The following ROBO2 variants were observed in gnomAD, a reference collection of about 807,000 sequenced individuals.
ROBO2 encodes roundabout homolog 2.
ROBO2 carries 53 observed loss-of-function variants against 160.8 expected under a neutral mutation model. The observed-to-expected ratio is 0.33, with a 90% CI of 0.26 to 0.41. The LOEUF (loss-of-function observed/expected upper bound fraction) is 0.41. Ranked by LOEUF, ROBO2 falls within the 10% of genes least tolerant of loss-of-function variation. The probability of loss-of-function intolerance (pLI) is 1.00; values close to 1 mark genes in which losing one functional copy is unlikely to be tolerated. For missense variants in ROBO2, 1,577 were observed against 1,722.4 expected, an observed-to-expected ratio of 0.92 and a Z score of 1.49; for synonymous variants, 664 against 611.7, an observed-to-expected ratio of 1.09 and a Z score of -1.26.
chr3:76,915,966 A>G (rs2076278458), intron 2 of ROBO2, among the ~76,000 whole-genome samples: 1 of 152,094 alleles, frequency 6.6e-6, no homozygotes. Context: ...AAGCAAGCTC[A>G]TATGCCTCTC....
At chr3:76,697,150 CT>C (rs763222368) in intron 2 of ROBO2, among the ~76,000 whole-genome samples, 2 of 152,120 alleles carry the variant, frequency 1.3e-5, no homozygotes, top group Non-Finnish European at 2.9e-5. Flanking sequence ...ATAGCCAGAT[CT>C]ATCAAATGTG....
At chr3:76,698,535 C>A (rs1467706116) in intron 2 of ROBO2, among the ~76,000 whole-genome samples, 1 of 152,148 alleles carries the variant, frequency 6.6e-6, no homozygotes, top group East Asian at 1.9e-4. Context: ...CTCTCTGGAG[C>A]CAAGCCAGTG....
At chr3:77,418,813 T>A (rs1216948937) in intron 2 of ROBO2, among the ~76,000 whole-genome samples, 1 of 151,904 alleles carries the variant, frequency 6.6e-6, no homozygotes, top group Non-Finnish European at 1.5e-5. Context: ...CTAGAAAAAA[T>A]TGTTAAGGAG....
Position 76,710,579 on chromosome 3 carries a change from T to C in ROBO2, c.110-387435T>C, listed in dbSNP as rs546346855. 3.9e-5 allele frequency among the ~76,000 whole-genome samples: 6 copies of C among 152,202 alleles called. No individual in the cohort carries two copies. In the East Asian group the frequency reaches 1.2e-3, roughly 29 times the overall value. On this transcript the variant is annotated intron_variant, in intron 2 of 26. Transcript: ENST00000487694. ...GATTTGGTTATAGAATGCCTTGGAG[T>C]TATGGAGACAGAAGTCAGAATACAG...
At chr3:76,876,813 G>A (rs1018616063) in intron 2 of ROBO2, among the ~76,000 whole-genome samples, 5 of 152,104 alleles carry the variant, frequency 3.3e-5, no homozygotes, top group Non-Finnish European at 7.4e-5. Flanking sequence ...ATAATTGCAT[G>A]CAAGAAGAAA....
intron 2 of ROBO2, among the ~76,000 whole-genome samples, chr3:77,124,608 A>C (rs765031827): frequency 9.2e-5 from 14 of 152,126 alleles, no homozygotes; most frequent in Non-Finnish European, 1.6e-4. Flanking sequence ...ACTGTGCAAA[A>C]TATAATCAGG....
chr3:76,134,783 A>T (rs2071365868), intron 2 of ROBO2, among the ~76,000 whole-genome samples: 1 of 152,104 alleles, frequency 6.6e-6, no homozygotes, highest in South Asian at 2.1e-4. Context: ...AGTTTGTGGT[A>T]ATTTATTCAG....
intron 2 of ROBO2, among the ~76,000 whole-genome samples, chr3:76,143,575 G>C (rs533966215): frequency 7.8e-4 from 119 of 152,096 alleles, no homozygotes; most frequent in African/African-American, 2.6e-3. Flanking sequence ...ACAGTCACTA[G>C]TGTCTTTAAA....
chr3:77,343,103 C>T (rs911239131), intron 2 of ROBO2, among the ~76,000 whole-genome samples: 1 of 150,280 alleles, frequency 6.7e-6, no homozygotes, highest in Non-Finnish European at 1.5e-5. Context: ...CTTATAAGAC[C>T]ACAATCTTAT....
chr3:76,163,502 A>G (rs1342890439), intron 2 of ROBO2, among the ~76,000 whole-genome samples: 2 of 148,990 alleles, frequency 1.3e-5, no homozygotes, highest in African/African-American at 4.9e-5. Context: ...ACTGTGTATT[A>G]TATATTATAT....
chr3:76,854,600 A>G (rs1034461271), intron 2 of ROBO2, among the ~76,000 whole-genome samples: 1 of 152,162 alleles, frequency 6.6e-6, no homozygotes, highest in African/African-American at 2.4e-5. Flanking sequence ...GAGAAACAGT[A>G]ACTTATGCCT....
At position 77,103,218 on chromosome 3, in the gene ROBO2, G is replaced by A. The variant is rs145328885; in HGVS notation, c.388+4878G>A. Among the ~76,000 whole-genome samples, 234 of 152,026 alleles carry A rather than the reference G, an allele frequency of 1.5e-3. No individual in the cohort carries two copies. The Middle Eastern group carries it at 0.017, about 11-fold the overall frequency. On this transcript the variant is annotated intron_variant, in intron 2 of 25. Coordinates refer to ENST00000461745, the Ensembl canonical transcript of ROBO2. ...ATAGATGACAGCAGCTTGATCTATC[G>A]ACCAGGGTAAGAGGGGGTTCTGGCC...
At chr3:76,996,084 G>A (rs1280788133) in intron 2 of ROBO2, among the ~76,000 whole-genome samples, 4 of 152,110 alleles carry the variant, frequency 2.6e-5, no homozygotes, top group Admixed American at 6.6e-5. Context: ...TATGGTTTTA[G>A]GTCTAACATT....
chr3:77,376,098 A>G (rs1293478409), intron 2 of ROBO2, among the ~76,000 whole-genome samples: 1 of 151,864 alleles, frequency 6.6e-6, no homozygotes, highest in East Asian at 1.9e-4. Context: ...CATTATCAAT[A>G]CAGTTGTACT....
intron 1 of ROBO2, among the ~76,000 whole-genome samples, chr3:77,073,644 C>T (rs998314829): frequency 6.6e-6 from 1 of 152,196 alleles, no homozygotes; most frequent in Admixed American, 6.5e-5. Context: ...AACCTGGGGC[C>T]TTCCTGAGTC....
At chr3:77,032,614 A>C (rs1221536941) in intron 2 of ROBO2, among the ~76,000 whole-genome samples, 2 of 152,178 alleles carry the variant, frequency 1.3e-5, no homozygotes. Flanking sequence ...GTGAAGTCCT[A>C]AAACAAAGAA....
chr3:76,649,793 A>T (rs1401415017), intron 2 of ROBO2, among the ~76,000 whole-genome samples: 1 of 152,122 alleles, frequency 6.6e-6, no homozygotes, highest in African/African-American at 2.4e-5. Context: ...TAGAAGTCAC[A>T]TTTGTTCTAT....
intron 2 of ROBO2, among the ~76,000 whole-genome samples, chr3:77,199,496 T>C (rs9826655): frequency 0.14 from 21,221 of 152,178 alleles, 1,800 homozygotes; most frequent in Middle Eastern, 0.22. Flanking sequence ...CTGTTTTTAT[T>C]ACAGGTTGAA....
chr3:77,283,533 C>T (rs915988105), intron 2 of ROBO2, among the ~76,000 whole-genome samples: 1 of 152,122 alleles, frequency 6.6e-6, no homozygotes, highest in Non-Finnish European at 1.5e-5. Context: ...TAAGAGTATA[C>T]ATACCAACTA....
Sources: allele counts gnomAD v4.1 joint callset (sites outside exome capture counted in the v4.1 genomes callset), GRCh38; gene constraint gnomAD v4.1.1; transcripts MANE v1.5; gene names NCBI Gene and HGNC (gene_info 2026-07-23, HGNC 2026-07-21).